The following SLCO3A1 variants were observed in gnomAD, a reference collection of about 807,000 sequenced individuals.
SLCO3A1 encodes the protein solute carrier organic anion transporter family member 3A1.
Under a neutral mutation model 63.1 loss-of-function variants are expected in SLCO3A1, and 27 were observed. That is an observed-to-expected ratio of 0.43 (90% CI 0.32 to 0.59). SLCO3A1 has a LOEUF of 0.59. SLCO3A1 is among the 20% of genes least tolerant of loss of function. The pLI is 0.09. For missense variants in SLCO3A1, 773 were observed against 945.8 expected, an observed-to-expected ratio of 0.82 and a Z score of 2.40; for synonymous variants, 473 against 409.9, an observed-to-expected ratio of 1.15 and a Z score of -1.86.
intron 7 of SLCO3A1, among the ~76,000 whole-genome samples, chr15:92,143,862 C>T (rs1046914255): frequency 3.3e-5 from 5 of 152,072 alleles, no homozygotes; most frequent in African/African-American, 9.7e-5. Context: ...GTGGGTGAGT[C>T]AGAGCTCAGG....
intron 7 of SLCO3A1, among the ~76,000 whole-genome samples, chr15:92,143,311 G>A (rs558447745): frequency 6.3e-4 from 70 of 111,996 alleles, no homozygotes; most frequent in Non-Finnish European, 8.8e-4. Context: ...GACAGATTTA[G>A]GACATGGCAA....
At position 91,950,878 on chromosome 15, in the gene SLCO3A1, A is replaced by G. The variant is rs1239247597; in HGVS notation, c.646+34420A>G. ...CAGGGAGCCACCCTTTACTCCACCAACAGGTGGCTTATATCCAATCTGAGA... is the reference window on the plus strand; with the variant it reads ...CAGGGAGCCACCCTTTACTCCACCAGCAGGTGGCTTATATCCAATCTGAGA... On this transcript the variant is annotated intron_variant, in intron 2 of 9. Transcript: ENST00000318445. This position sits in a 1 kb window ranked among gnomAD's most constrained non-coding sequence, Gnocchi z 4.4. Among the ~76,000 whole-genome samples, 2 of 152,056 alleles carry G rather than the reference A, an allele frequency of 1.3e-5. No individual in the cohort carries two copies. Among genetic ancestry groups the G allele is most frequent in the Non-Finnish European group, 2.9e-5 (2 of 68,024 alleles).
At position 92,164,800 on chromosome 15, in the gene SLCO3A1, C is replaced by T. The variant is rs1008553990; in HGVS notation, c.*1665C>T. 4 of 985,294 alleles carry T rather than the reference C, an allele frequency of 4.1e-6. No homozygotes were observed. The highest frequency in any genetic ancestry group is 4.8e-6 in the Non-Finnish European group (4 of 829,954). The allele number at this position is 985,294 out of a possible 1,614,324, so 61.0% of individuals were successfully genotyped here. Reference sequence around the variant, plus strand: ...AAGAATCACGTTGGAAAACCTCTCGCAACCAGCACACTAGGCCTTCTACGG... The same window carrying T: ...AAGAATCACGTTGGAAAACCTCTCGTAACCAGCACACTAGGCCTTCTACGG... On this transcript the variant is annotated 3_prime_UTR_variant, in exon 10 of 10. Transcript: ENST00000318445.
At chr15:91,930,740 T>G (rs184404153) in intron 2 of SLCO3A1, among the ~76,000 whole-genome samples, 7 of 152,334 alleles carry the variant, frequency 4.6e-5, no homozygotes, top group Admixed American at 4.6e-4. Flanking sequence ...ATTAAGCACT[T>G]ATTGTGTGCC....
intron 8 of SLCO3A1, among the ~76,000 whole-genome samples, chr15:92,147,555 A>C (rs976072237): frequency 1.3e-5 from 2 of 152,090 alleles, no homozygotes; most frequent in African/African-American, 2.4e-5. Flanking sequence ...CTTGCTCCTG[A>C]ATCTGTAACT....
chr15:92,035,300 A>G (rs2046711218), intron 2 of SLCO3A1, among the ~76,000 whole-genome samples: 1 of 151,852 alleles, frequency 6.6e-6, no homozygotes, highest in South Asian at 2.1e-4. Context: ...CGCAAAAGTG[A>G]ACTTTGCCAA....
At chr15:91,947,779 C>T (rs1899859066) in intron 2 of SLCO3A1, among the ~76,000 whole-genome samples, 1 of 152,182 alleles carries the variant, frequency 6.6e-6, no homozygotes, top group Non-Finnish European at 1.5e-5. Context: ...CATTGCCCTC[C>T]CAGACTGCTT....
rs2047919427 is a variant in SLCO3A1, at chr15:92,126,144, G to T, written c.1258G>T (p.Ala420Ser). The T allele has an allele frequency of 6.2e-7, 1 of 1,614,000 alleles. No individual in the cohort carries two copies. The highest frequency in any genetic ancestry group is 8.5e-7 in the Non-Finnish European group (1 of 1,179,990). Residue 420 changes from alanine (A) to serine (S), a missense_variant, in exon 6 of 10, where the codon GCC becomes TCC. Physicochemically the swap from Ala to Ser is moderately conservative, Grantham distance 99. This residue lies in a region of SLCO3A1 where 565 missense variants were observed against 749.8 expected (regional missense o/e 0.75). Coordinates refer to ENST00000318445, the MANE Select transcript of SLCO3A1 (RefSeq NM_013272.4). ...VKKLSLSALG[A>S]IRMAMLVNLV... ...GAAGCTCAGCCTGTCTGCCCTGGGG[G>T]CCATTCGGATGGCCATGCTCGTCAA...
At position 91,916,950 on chromosome 15, in the gene SLCO3A1, A is replaced by G. The variant is rs1462124489; in HGVS notation, c.646+492A>G. On this transcript the variant is annotated intron_variant, in intron 2 of 9. Coordinates refer to ENST00000318445, the MANE Select transcript of SLCO3A1 (RefSeq NM_013272.4). This position sits in a 1 kb window ranked among gnomAD's most constrained non-coding sequence, Gnocchi z 6.2. ...GTGACTTCCGGTAATTTTTTCAATA[A>G]TGGAAGTATGCATGGGAATTGGGTA... 6.6e-6 allele frequency among the ~76,000 whole-genome samples: 1 copy of G among 152,190 alleles called. No individual in the cohort carries two copies. Among genetic ancestry groups the G allele is most frequent in the Non-Finnish European group, 1.5e-5 (1 of 68,038 alleles).
At position 91,900,757 on chromosome 15, in the gene SLCO3A1, A is replaced by G. The variant is rs1299250954; in HGVS notation, c.181-15236A>G. Among the ~76,000 whole-genome samples, 1 of 152,230 alleles carries G rather than the reference A, an allele frequency of 6.6e-6. No individual in the cohort carries two copies. Among genetic ancestry groups the G allele is most frequent in the African/African-American group, 2.4e-5 (1 of 41,456 alleles). ...TCAAATGCTTATTAGACATTTGTAT[A>G]TCTTCCTTGGTGAAATATCTCCTCA... On this transcript the variant is annotated intron_variant, in intron 1 of 9. Coordinates refer to ENST00000318445, the MANE Select transcript of SLCO3A1 (RefSeq NM_013272.4). This position sits in a 1 kb window ranked among gnomAD's most constrained non-coding sequence, Gnocchi z 4.3.
intron 2 of SLCO3A1, among the ~76,000 whole-genome samples, chr15:92,069,517 C>A (rs773455239): frequency 1.3e-5 from 2 of 152,208 alleles, no homozygotes; most frequent in Non-Finnish European, 2.9e-5. Flanking sequence ...GCATTCACTA[C>A]GCAAGGGAGG....
chr15:92,006,195 T>C (rs1313664073), intron 2 of SLCO3A1, among the ~76,000 whole-genome samples: 1 of 152,004 alleles, frequency 6.6e-6, no homozygotes, highest in Non-Finnish European at 1.5e-5. Flanking sequence ...TGTGCTGGAG[T>C]TGCCTAAAAA....
intron 2 of SLCO3A1, among the ~76,000 whole-genome samples, chr15:92,022,099 T>A (rs2046516596): frequency 1.3e-5 from 2 of 152,240 alleles, no homozygotes; most frequent in African/African-American, 4.8e-5. Flanking sequence ...AAAATCCTGA[T>A]GAGCCTTTTA....
At chr15:92,146,356 A>T (rs1016161768) in intron 7 of SLCO3A1, among the ~76,000 whole-genome samples, 1 of 152,192 alleles carries the variant, frequency 6.6e-6, no homozygotes, top group Non-Finnish European at 1.5e-5. Context: ...AAATGTATCT[A>T]TCTTGTTGGG....
chr15:91,876,766 C>T (rs1252356499), intron 1 of SLCO3A1, among the ~76,000 whole-genome samples: 1 of 152,182 alleles, frequency 6.6e-6, no homozygotes, highest in Non-Finnish European at 1.5e-5. Context: ...TTGTTTTGCA[C>T]AGCACCTCAC....
At chr15:91,969,826 G>T (rs1300818876) in intron 2 of SLCO3A1, among the ~76,000 whole-genome samples, 5 of 152,100 alleles carry the variant, frequency 3.3e-5, no homozygotes, top group Admixed American at 3.3e-4. Flanking sequence ...CTGGTGGCGG[G>T]GGCTGGTCCA....
At chr15:92,037,524 T>G (rs943954776) in intron 2 of SLCO3A1, among the ~76,000 whole-genome samples, 2 of 152,204 alleles carry the variant, frequency 1.3e-5, no homozygotes, top group African/African-American at 4.8e-5. Context: ...CTAGAACTTA[T>G]TTCATGGGTC....
chr15:91,881,355 C>T (rs938941192), intron 1 of SLCO3A1, among the ~76,000 whole-genome samples: 2 of 151,786 alleles, frequency 1.3e-5, no homozygotes, highest in Non-Finnish European at 2.9e-5. Flanking sequence ...AACACCAAAA[C>T]TGTTCTCTGA....
chr15:91,957,139 ATATTATAATATATATATATATT>A (rs1567037822), intron 2 of SLCO3A1, among the ~76,000 whole-genome samples: 4 of 31,512 alleles, frequency 1.3e-4, no homozygotes, highest in Non-Finnish European at 1.8e-4. Flanking sequence ...TATATACTAT[ATATTATAATATATATATATATT>A]TTTTTTTTTA....
Sources: gnomAD v4.1 joint callset for allele counts (sites outside exome capture counted in the v4.1 genomes callset) on GRCh38, gnomAD v4.1.1 for gene constraint, gnomAD v4.1.1 regional missense constraint, Gnocchi (gnomAD v3.1) non-coding constraint, MANE v1.5 for transcripts, NCBI Gene and HGNC (gene_info 2026-07-23, HGNC 2026-07-21) for gene names.